Variants in MAP2K5 observed in about 807,000 individuals in gnomAD.
The protein encoded by MAP2K5 is dual specificity mitogen-activated protein kinase kinase 5.
Under a neutral mutation model 83.1 loss-of-function variants are expected in MAP2K5, and 49 were observed. The ratio of observed to expected loss-of-function variants is 0.59; its 90% CI spans 0.47 to 0.75. The LOEUF (loss-of-function observed/expected upper bound fraction) is 0.75. MAP2K5 is among the 30% of genes least tolerant of loss of function. The pLI is 0.00. For missense variants in MAP2K5, 457 were observed against 557.5 expected, an observed-to-expected ratio of 0.82 and a Z score of 1.82; for synonymous variants, 202 against 191.8, an observed-to-expected ratio of 1.05 and a Z score of -0.44.
rs896982845 is a variant in MAP2K5, at chr15:67,786,159, C to T, written c.1242+13407C>T. Among the ~76,000 whole-genome samples the T allele has an allele frequency of 6.6e-6, 1 of 152,074 alleles. No homozygotes were observed. The highest frequency in any genetic ancestry group is 6.5e-5 in the Admixed American group (1 of 15,268). On this transcript the variant is annotated intron_variant, in intron 21 of 21. Transcript: ENST00000178640. This position sits in a 1 kb window ranked among gnomAD's most constrained non-coding sequence, Gnocchi z 4.7. ...ATCTGTCTGATGTTCCTGGGTATTT[C>T]CAGCTTGTTGCCTCTTGGAAGATAC... is the stretch of plus-strand genomic sequence containing the variant.
chr15:67,799,611 G>A (rs1348825032), intron 21 of MAP2K5, among the ~76,000 whole-genome samples: 3 of 152,250 alleles, frequency 2.0e-5, no homozygotes, highest in African/African-American at 7.2e-5. Context: ...GTATTTACAA[G>A]TGTGGCCCCA....
At chr15:67,592,768 G>A (rs2085441411) in intron 6 of MAP2K5, among the ~76,000 whole-genome samples, 158 bp from the exon 7 acceptor site, 1 of 151,944 alleles carries the variant, frequency 6.6e-6, no homozygotes, top group South Asian at 2.1e-4. Flanking sequence ...TTTTGCATTT[G>A]GCCAGTTACT....
intron 8 of MAP2K5, among the ~76,000 whole-genome samples, chr15:67,615,583 C>A (rs530321094): frequency 2.0e-4 from 30 of 152,084 alleles, no homozygotes; most frequent in African/African-American, 6.7e-4. Context: ...ACTAAAATTT[C>A]GAAGCTTGGC....
rs2084324206 is a variant in MAP2K5, at chr15:67,543,002, C to T, written c.-334C>T. The T allele has an allele frequency of 1.2e-5, 4 of 331,836 alleles. No individual in the cohort carries two copies. In the South Asian group the frequency reaches 1.5e-4, roughly 12 times the overall value. The allele number at this position is 331,836 out of a possible 1,614,324, so 20.6% of individuals were successfully genotyped here. A position where few individuals can be genotyped will look rare whatever the true frequency, so the allele number is the denominator to read the frequency against. On this transcript the variant is annotated 5_prime_UTR_variant, in exon 1 of 22. Transcript: ENST00000178640. The surrounding 1 kb of genome is among the most constrained non-coding windows in gnomAD (Gnocchi z 4.3). ...CCCAAACCGAGTCCTTGCCCTGCTG[C>T]CTCCTCATACCCACACGGCGGCAGA...
intron 16 of MAP2K5, among the ~76,000 whole-genome samples, chr15:67,707,441 A>G (rs1454389902): frequency 6.6e-6 from 1 of 152,228 alleles, no homozygotes; most frequent in East Asian, 1.9e-4. Flanking sequence ...CATAGTCAAC[A>G]CTTTCTAAGA....
chr15:67,555,884 A>G lies in MAP2K5; in HGVS notation c.184+5802A>G, dbSNP rs2084613107. ...CTGCAACCTCCACCTCAGGGGTTCA[A>G]GCGATTCTCCTGCCTCAGCCTCCCA... On this transcript the variant is annotated intron_variant, in intron 2 of 21. Coordinates refer to ENST00000178640, the MANE Select transcript of MAP2K5 (RefSeq NM_145160.3). The surrounding 1 kb of genome is among the most constrained non-coding windows in gnomAD (Gnocchi z 5.2). Among the ~76,000 whole-genome samples the G allele has an allele frequency of 6.6e-6, 1 of 151,982 alleles. No individual in the cohort carries two copies.
chr15:67,617,503 G>T (rs1350441809), intron 8 of MAP2K5, among the ~76,000 whole-genome samples: 3 of 152,006 alleles, frequency 2.0e-5, no homozygotes, highest in Non-Finnish European at 2.9e-5. Context: ...ATATTTTTTG[G>T]TTCTCCTAGA....
intron 3 of MAP2K5, among the ~76,000 whole-genome samples, chr15:67,570,660 T>C (rs991794602): frequency 2.6e-5 from 4 of 152,352 alleles, no homozygotes; most frequent in Non-Finnish European, 5.9e-5. Context: ...GTGTAACTAA[T>C]GACACATCTG....
intron 2 of MAP2K5, among the ~76,000 whole-genome samples, chr15:67,558,833 T>C (rs1415029338): frequency 2.0e-5 from 3 of 152,014 alleles, no homozygotes; most frequent in African/African-American, 7.2e-5. Context: ...TCCACTAGAG[T>C]GTATGTTCCA....
chr15:67,597,058 A>G (rs1310595731), intron 7 of MAP2K5, among the ~76,000 whole-genome samples: 1 of 151,788 alleles, frequency 6.6e-6, no homozygotes, highest in African/African-American at 2.4e-5. Flanking sequence ...AGTCCCAGCT[A>G]CTCAGGAGGC....
At chr15:67,614,418 G>A (rs1461394142) in intron 8 of MAP2K5, among the ~76,000 whole-genome samples, 1 of 152,186 alleles carries the variant, frequency 6.6e-6, no homozygotes, top group Non-Finnish European at 1.5e-5. Context: ...TGTGAGCAAA[G>A]ATTAGATGGT....
intron 13 of MAP2K5, among the ~76,000 whole-genome samples, chr15:67,671,396 TA>T (rs2087531452): frequency 6.6e-6 from 1 of 152,138 alleles, no homozygotes; most frequent in Non-Finnish European, 1.5e-5. Flanking sequence ...TGGGAAATTC[TA>T]GGAAATATGA....
At chr15:67,792,319 G>T (rs779772872) in intron 21 of MAP2K5, among the ~76,000 whole-genome samples, 1 of 152,076 alleles carries the variant, frequency 6.6e-6, no homozygotes, top group African/African-American at 2.4e-5. Context: ...AGGGGTATAG[G>T]GTTAGACTAA....
At chr15:67,678,036 A>G (rs993258133) in intron 13 of MAP2K5, among the ~76,000 whole-genome samples, 1 of 152,214 alleles carries the variant, frequency 6.6e-6, no homozygotes, top group African/African-American at 2.4e-5. Flanking sequence ...AATAACTTTT[A>G]TATTGCAATG....
At chr15:67,614,191 C>T (rs932353334) in intron 8 of MAP2K5, among the ~76,000 whole-genome samples, 2 of 152,164 alleles carry the variant, frequency 1.3e-5, no homozygotes, top group African/African-American at 4.8e-5. Flanking sequence ...ATTCAGTAAC[C>T]TCACCAAGCC....
chr15:67,689,264 A>C (rs1222307696), intron 13 of MAP2K5, among the ~76,000 whole-genome samples: 4 of 152,162 alleles, frequency 2.6e-5, no homozygotes, highest in Non-Finnish European at 4.4e-5. Flanking sequence ...TACATAAATC[A>C]TATGCTTTGT....
chr15:67,768,664 CA>C lies in MAP2K5; in HGVS notation c.1135-935del, dbSNP rs2090087690. On this transcript the variant is annotated intron_variant, in intron 19 of 21. Transcript: ENST00000178640. This position sits in a 1 kb window ranked among gnomAD's most constrained non-coding sequence, Gnocchi z 4.0. ...AGCCGCCGAAAGGTATTTTTAATAG[CA>C]AATGAGAATAGATGAGAATGGAGTC... is the stretch of plus-strand genomic sequence containing the variant. Among the ~76,000 whole-genome samples the C allele has an allele frequency of 6.6e-6, 1 of 152,144 alleles. No homozygotes were observed. The highest frequency in any genetic ancestry group is 2.1e-4 in the South Asian group (1 of 4,826).
chr15:67,579,361 C>A (rs1178359072), intron 3 of MAP2K5, among the ~76,000 whole-genome samples: 3 of 152,174 alleles, frequency 2.0e-5, no homozygotes, highest in Non-Finnish European at 4.4e-5. Context: ...ATTGATATTT[C>A]ATTTACTTGT....
rs752608928 is a variant in MAP2K5, at chr15:67,646,416, A to T, written c.683A>T (p.Tyr228Phe). ...KCDSSYIIGF[Y>F]GAFFVENRIS... ...GATTCATCATATATCATTGGATTTTATGGAGCATTTTTTGTAGAAAACAGG... is the reference window on the plus strand; with the variant it reads ...GATTCATCATATATCATTGGATTTTTTGGAGCATTTTTTGTAGAAAACAGG... The change falls in exon 11 of 22, where the codon TAT becomes TTT. Residue 228 changes from tyrosine to phenylalanine, a missense_variant. By Grantham distance (22) the Tyr-to-Phe change is conservative. This residue lies in a region of MAP2K5 where 168 missense variants were observed against 263.0 expected (regional missense o/e 0.64). Transcript: ENST00000178640. 39 of 1,603,104 alleles carry T rather than the reference A, an allele frequency of 2.4e-5. No individual in the cohort carries two copies. Among genetic ancestry groups the T allele is most frequent in the Non-Finnish European group, 3.2e-5 (37 of 1,171,884 alleles).
Sources: gnomAD v4.1 joint callset for allele counts (sites outside exome capture counted in the v4.1 genomes callset) on GRCh38, gnomAD v4.1.1 for gene constraint, gnomAD v4.1.1 regional missense constraint, Gnocchi (gnomAD v3.1) non-coding constraint, MANE v1.5 for transcripts, NCBI Gene and HGNC (gene_info 2026-07-23, HGNC 2026-07-21) for gene names.